Variants in GNAO1 observed in about 807,000 individuals in gnomAD.
GNAO1 encodes the protein G protein subunit alpha o1.
For missense variants in GNAO1, 166 were observed against 478.7 expected (o/e 0.35, Z 6.10); for synonymous variants, 164 against 180.7 (o/e 0.91, Z 0.74).
intron 2 of GNAO1, among the ~76,000 whole-genome samples, chr16:56,269,287 CTGT>C (rs2036990833): frequency 6.6e-6 from 1 of 152,104 alleles, no homozygotes; most frequent in Admixed American, 6.5e-5. Context: ...ACCCTTGCTG[CTGT>C]TGTTGCTGCT....
intron 6 of GNAO1, chr16:56,344,095 A>C: frequency 6.8e-7 from 1 of 1,462,190 alleles, no homozygotes. Context: ...AGGAGGGAGC[A>C]TCCTCCACCC....
intron 2 of GNAO1, among the ~76,000 whole-genome samples, chr16:56,230,227 G>A (rs1378957775): frequency 1.3e-5 from 2 of 152,186 alleles, no homozygotes; most frequent in African/African-American, 4.8e-5. Flanking sequence ...AGCCTGGTGT[G>A]CAGTGACCAC....
At chr16:56,192,750 A>C (rs866516445) in intron 2 of GNAO1, 134 bp downstream of exon 2, 428 of 574,226 alleles carry the variant, frequency 7.5e-4, no homozygotes, top group South Asian at 2.3e-3. Context: ...ACACACACAC[A>C]CCCCTATATT....
chr16:56,249,868 A>T (rs185842486), intron 2 of GNAO1, among the ~76,000 whole-genome samples: 1 of 152,288 alleles, frequency 6.6e-6, no homozygotes, highest in East Asian at 1.9e-4. Flanking sequence ...CGCTGGACAG[A>T]TTTAGCCCTC....
intron 6 of GNAO1, chr16:56,344,168 A>G (rs2037839547): frequency 7.0e-7 from 1 of 1,431,564 alleles, no homozygotes; most frequent in Non-Finnish European, 9.1e-7. Context: ...TGCATGCTGC[A>G]AGGCCAGGAG....
chr16:56,318,879 G>A (rs1479577841), intron 3 of GNAO1, among the ~76,000 whole-genome samples: 1 of 152,084 alleles, frequency 6.6e-6, no homozygotes, highest in Non-Finnish European at 1.5e-5. Flanking sequence ...TCCTCACCCC[G>A]TTTTATCTGC....
At chr16:56,272,257 C>T (rs1001163667) in intron 2 of GNAO1, among the ~76,000 whole-genome samples, 31 of 151,910 alleles carry the variant, frequency 2.0e-4, no homozygotes, top group African/African-American at 7.2e-4. Flanking sequence ...TGCAGTGAGC[C>T]GAGATTGCGC....
At chr16:56,315,809 C>A (rs1729172409) in intron 3 of GNAO1, among the ~76,000 whole-genome samples, 1 of 152,022 alleles carries the variant, frequency 6.6e-6, no homozygotes, top group African/African-American at 2.4e-5. Context: ...TTTGAGAGGC[C>A]AAGGCGGGCA....
intron 6 of GNAO1, among the ~76,000 whole-genome samples, chr16:56,348,523 C>T (rs1483412549): frequency 6.6e-6 from 1 of 152,266 alleles, no homozygotes; most frequent in Non-Finnish European, 1.5e-5. Flanking sequence ...CCTGGGCCTC[C>T]ACTGCAGCCT....
At chr16:56,270,162 T>C (rs1340007857) in intron 2 of GNAO1, 1 of 152,296 alleles carries the variant, frequency 6.6e-6, no homozygotes, top group African/African-American at 2.4e-5. Flanking sequence ...TCTCTCCCCA[T>C]ACCCACGTGA....
chr16:56,265,194 G>C (rs2036940619), intron 2 of GNAO1, among the ~76,000 whole-genome samples: 2 of 152,224 alleles, frequency 1.3e-5, no homozygotes, highest in African/African-American at 4.8e-5. Context: ...TGAGGGGTTT[G>C]GTTGAATAGC....
At chr16:56,283,225 C>A (rs908159009) in intron 3 of GNAO1, among the ~76,000 whole-genome samples, 15 of 152,200 alleles carry the variant, frequency 9.9e-5, no homozygotes, top group African/African-American at 2.9e-4. Flanking sequence ...CTTGAAGAGA[C>A]TCAAGATTTT....
chr16:56,198,881 A>G (rs1465088884), intron 2 of GNAO1, among the ~76,000 whole-genome samples: 2 of 152,188 alleles, frequency 1.3e-5, no homozygotes, highest in East Asian at 3.9e-4. Context: ...CTGCAGCACC[A>G]GTTATATAAC....
At chr16:56,316,294 G>T (rs1240027142) in intron 3 of GNAO1, among the ~76,000 whole-genome samples, 1 of 152,156 alleles carries the variant, frequency 6.6e-6, no homozygotes, top group Non-Finnish European at 1.5e-5. Context: ...CAGGCTCTAT[G>T]GGGAAGCATT....
At chr16:56,239,193 A>C (rs2036670847) in intron 2 of GNAO1, among the ~76,000 whole-genome samples, 1 of 152,222 alleles carries the variant, frequency 6.6e-6, no homozygotes, top group African/African-American at 2.4e-5. Flanking sequence ...TTCCTGCTTT[A>C]GCTGTGATTA....
intron 6 of GNAO1, among the ~76,000 whole-genome samples, chr16:56,349,696 G>A (rs944282276): frequency 6.6e-6 from 1 of 152,230 alleles, no homozygotes; most frequent in African/African-American, 2.4e-5. Context: ...CAGCTCCTGG[G>A]GGGTGGGGAA....
rs114556149 is a variant in GNAO1, at chr16:56,260,073, A to G, written c.162-15858A>G. ...TCTTCAAAGTGGAGCTAGCACTAAC[A>G]CTTGCATAGCTTTGACTACAGCTGA... On this transcript the variant is annotated intron_variant, in intron 2 of 8. Coordinates refer to ENST00000262493, the MANE Select transcript of GNAO1 (RefSeq NM_020988.3). 8.9e-3 allele frequency among the ~76,000 whole-genome samples: 1,349 copies of G among 152,324 alleles called. 19 individuals are homozygous for G. Among genetic ancestry groups the G allele is most frequent in the African/African-American group, 0.031 (1,269 of 41,564 alleles).
chr16:56,228,216 A>T (rs1465846533), intron 2 of GNAO1, among the ~76,000 whole-genome samples: 1 of 152,132 alleles, frequency 6.6e-6, no homozygotes, highest in East Asian at 1.9e-4. Context: ...AACCAGAAGA[A>T]GGCTTCCCCA....
At chr16:56,323,195 A>G (rs2037594268) in intron 3 of GNAO1, among the ~76,000 whole-genome samples, 2 of 152,180 alleles carry the variant, frequency 1.3e-5, no homozygotes, top group African/African-American at 4.8e-5. Context: ...GGATGTCAGG[A>G]CAGAGAGGCA....
Sources: gnomAD v4.1 joint callset for allele counts (sites outside exome capture counted in the v4.1 genomes callset) on GRCh38, gnomAD v4.1.1 for gene constraint, MANE v1.5 for transcripts, NCBI Gene and HGNC (gene_info 2026-07-23, HGNC 2026-07-21) for gene names.